Variants in VPS41 observed in about 807,000 individuals in gnomAD.
The protein encoded by VPS41 is vacuolar protein sorting-associated protein 41 homolog.
In VPS41, 85 loss-of-function variants were observed where a neutral mutation model predicts 130.9. That is an observed-to-expected ratio of 0.65 (90% CI 0.55 to 0.78). The LOEUF (loss-of-function observed/expected upper bound fraction) is 0.78, where lower values mean the gene tolerates loss of function less well. Ranked by LOEUF, VPS41 falls within the 30% of genes least tolerant of loss-of-function variation. VPS41 has a pLI of 0.00. For missense variants in VPS41, 874 were observed against 1,018.7 expected, an observed-to-expected ratio of 0.86 and a Z score of 1.93; for synonymous variants, 335 against 332.9, an observed-to-expected ratio of 1.01 and a Z score of -0.07.
rs1260615813 is a variant in VPS41, at chr7:38,843,755, CA to C, written c.247-13428del. Among the ~76,000 whole-genome samples, 7 of 151,070 alleles carry C rather than the reference CA, an allele frequency of 4.6e-5. No individual in the cohort carries two copies. The East Asian group carries it at 1.4e-3, about 29-fold the overall frequency. ...TCTTTCAAGACAATCCAGATCTTTA[CA>C]GAAGCTGCTGTTTCTACAGATAAGA... is the stretch of plus-strand genomic sequence containing the variant. On this transcript the variant is annotated intron_variant, in intron 4 of 28. Transcript: ENST00000310301.
At chr7:38,868,975 TAC>T (rs1786287801) in intron 3 of VPS41, among the ~76,000 whole-genome samples, 169 bp downstream of exon 3, 1 of 152,172 alleles carries the variant, frequency 6.6e-6, no homozygotes, top group Non-Finnish European at 1.5e-5. Flanking sequence ...AATGGGCGCG[TAC>T]ACACATATAA....
chr7:38,785,454 T>A (rs1784422117), intron 10 of VPS41, among the ~76,000 whole-genome samples: 1 of 152,232 alleles, frequency 6.6e-6, no homozygotes, highest in Non-Finnish European at 1.5e-5. Context: ...GTTTGCAATT[T>A]AATTCCGTAT....
At chr7:38,798,538 C>T (rs1281154677) in intron 7 of VPS41, among the ~76,000 whole-genome samples, 4 of 152,140 alleles carry the variant, frequency 2.6e-5, no homozygotes, top group Non-Finnish European at 4.4e-5. Context: ...GGTGATCCAC[C>T]GGTCTTGGCC....
chr7:38,741,494 A>C (rs148569153), intron 25 of VPS41: 1 of 199,620 alleles, frequency 5.0e-6, no homozygotes, highest in East Asian at 1.8e-4. Flanking sequence ...AACAGACAAA[A>C]GGTTAAATAA....
intron 4 of VPS41, among the ~76,000 whole-genome samples, chr7:38,854,775 G>A (rs530989563): frequency 1.3e-4 from 19 of 150,866 alleles, no homozygotes; most frequent in South Asian, 4.2e-4. Context: ...CTGTCCTCAG[G>A]AAATTAGCAT....
intron 5 of VPS41, among the ~76,000 whole-genome samples, chr7:38,829,971 C>T (rs28680843): frequency 0.1 from 15,719 of 152,232 alleles, 1,207 homozygotes; most frequent in African/African-American, 0.22. Context: ...GTCACTGAAG[C>T]AGAAGTGGCA....
At chr7:38,907,365 A>G (rs560427420) in intron 1 of VPS41, among the ~76,000 whole-genome samples, 5 of 152,316 alleles carry the variant, frequency 3.3e-5, no homozygotes, top group African/African-American at 7.2e-5. Context: ...GAGTAGTGGG[A>G]AAAATGAGGT....
chr7:38,772,940 T>C (rs1175902281), intron 12 of VPS41, among the ~76,000 whole-genome samples: 1 of 150,540 alleles, frequency 6.6e-6, no homozygotes, highest in Non-Finnish European at 1.5e-5. Flanking sequence ...AAAAATAAGG[T>C]GAGTTTAAAA....
At chr7:38,826,956 C>G (rs1455798311) in intron 5 of VPS41, among the ~76,000 whole-genome samples, 3 of 151,970 alleles carry the variant, frequency 2.0e-5, no homozygotes, top group Non-Finnish European at 1.5e-5. Context: ...GTAGCTGGGA[C>G]TACAGGTGCC....
chr7:38,899,807 G>A (rs1373513395), intron 1 of VPS41, among the ~76,000 whole-genome samples: 1 of 151,992 alleles, frequency 6.6e-6, no homozygotes, highest in Non-Finnish European at 1.5e-5. Flanking sequence ...CCTATTTCCT[G>A]TATGTACAGT....
intron 4 of VPS41, among the ~76,000 whole-genome samples, chr7:38,862,033 G>A (rs1786124601): frequency 6.6e-6 from 1 of 152,144 alleles, no homozygotes; most frequent in African/African-American, 2.4e-5. Flanking sequence ...CAAGAAGACA[G>A]GGCATGTACT....
chr7:38,772,709 C>G (rs141234777), intron 12 of VPS41, 72 bp from the exon 13 acceptor site: 2 of 1,036,826 alleles, frequency 1.9e-6, no homozygotes, highest in African/African-American at 1.6e-5. Flanking sequence ...TTCAGAGGAC[C>G]TGGTTAGGTT....
In VPS41 at chr7:38,811,682, A is replaced by G. The variant is rs539149103; in HGVS notation, c.450+6135T>C. Among the ~76,000 whole-genome samples, 18 of 151,828 alleles carry G rather than the reference A, an allele frequency of 1.2e-4. No individual in the cohort carries two copies. In the East Asian group the frequency reaches 3.1e-3, roughly 26 times the overall value. On this transcript the variant is annotated intron_variant, in intron 7 of 28. Transcript: ENST00000310301. The stretch of plus-strand genomic sequence containing the variant: ...CATATATATATATATCTTCTGTAGT[A>G]AGTGGAAATAATTTGCTTGTATTAC...
intron 3 of VPS41, among the ~76,000 whole-genome samples, chr7:38,863,856 G>T (rs1458915091): frequency 2.0e-5 from 3 of 152,208 alleles, no homozygotes; most frequent in Non-Finnish European, 4.4e-5. Flanking sequence ...CAATGCTTGG[G>T]CGCTGGAAGG....
Position 38,830,264 on chromosome 7 carries a change from T to C in VPS41, c.311A>G (p.Glu104Gly). The change falls in exon 5 of 29, where the codon GAG becomes GGG. Residue 104 changes from glutamate (E) to glycine (G), a missense_variant. Physicochemically the swap from Glu to Gly is moderately conservative, Grantham distance 98. Coordinates refer to ENST00000310301, the MANE Select transcript of VPS41 (RefSeq NM_014396.4). ...ACATCTTTGCCATACCTTGCCATCC[T>C]CTGAACACACACCCATGTGCTCTCC... ...ESGEHMGVCSEDGKVQVFGLY... is the reference protein window; with the variant it reads ...ESGEHMGVCSGDGKVQVFGLY... 2.5e-6 allele frequency: 4 copies of C among 1,611,906 alleles called. No homozygotes were observed. Among genetic ancestry groups the C allele is most frequent in the Non-Finnish European group, 3.4e-6 (4 of 1,177,876 alleles).
chr7:38,818,652 C>G (rs1400491262), intron 6 of VPS41, among the ~76,000 whole-genome samples: 6 of 152,140 alleles, frequency 3.9e-5, no homozygotes, highest in Admixed American at 3.9e-4. Context: ...CTTTGGAGCT[C>G]ATCTGTTGTG....
chr7:38,879,943 A>G (rs561587396), intron 2 of VPS41, among the ~76,000 whole-genome samples: 299 of 152,228 alleles, frequency 2.0e-3, no homozygotes, highest in African/African-American at 6.9e-3. Context: ...ACTGAAATTC[A>G]TAATCAAGAG....
intron 3 of VPS41, 86 bp downstream of exon 3, chr7:38,869,060 C>A: frequency 1.9e-6 from 2 of 1,030,214 alleles, no homozygotes; most frequent in Non-Finnish European, 1.4e-6. Flanking sequence ...TAAAAAGCCA[C>A]CACCAAAAAC....
chr7:38,886,250 G>A (rs1183002742), intron 2 of VPS41, among the ~76,000 whole-genome samples: 1 of 152,170 alleles, frequency 6.6e-6, no homozygotes, highest in African/African-American at 2.4e-5. Flanking sequence ...CTTAGTCAAT[G>A]GAAGCCATAA....
Sources: allele counts gnomAD v4.1 joint callset (sites outside exome capture counted in the v4.1 genomes callset), GRCh38; gene constraint gnomAD v4.1.1; transcripts MANE v1.5; gene names NCBI Gene and HGNC (gene_info 2026-07-23, HGNC 2026-07-21).